Variants in DYRK1A observed in about 807,000 individuals in gnomAD.
DYRK1A encodes dual specificity tyrosine-phosphorylation-regulated kinase 1A.
Under a neutral mutation model 79.7 loss-of-function variants are expected in DYRK1A, and 9 were observed. The observed-to-expected ratio is 0.11, with a 90% confidence interval of 0.07 to 0.20. DYRK1A has a LOEUF of 0.20. Ranked by LOEUF, DYRK1A falls within the 10% of genes least tolerant of loss-of-function variation. DYRK1A has a pLI of 1.00. For synonymous variants in DYRK1A, 349 were observed against 329.7 expected (o/e 1.06, Z -0.63); for missense variants, 622 against 956.0 (o/e 0.65, Z 4.61).
Position 37,518,208 on chromosome 21 carries a change from G to A in DYRK1A, c.*5677G>A, listed in dbSNP as rs1945995235. On this transcript the variant is annotated 3_prime_UTR_variant, in exon 12 of 12. Coordinates refer to ENST00000647188, the MANE Select transcript of DYRK1A (RefSeq NM_001347721.2). ...TTAAAGCGGAAAAGCGGAATGCAGTGAAATAGCATGAGAAAGAGCGTTTTT... is the reference window on the plus strand; with the variant it reads ...TTAAAGCGGAAAAGCGGAATGCAGTAAAATAGCATGAGAAAGAGCGTTTTT... 1 of 152,212 alleles carries A rather than the reference G, an allele frequency of 6.6e-6. No homozygotes were observed. The highest frequency in any genetic ancestry group is 1.5e-5 in the Non-Finnish European group (1 of 68,050). 9.4% of individuals were successfully genotyped at this position (152,212 alleles called of 1,614,324 possible). A position where few individuals can be genotyped will look rare whatever the true frequency, so the allele number is the denominator to read the frequency against.
intron 1 of DYRK1A, among the ~76,000 whole-genome samples, chr21:37,417,534 T>TCTTTTTCTTTTTCTTTTTCTTTTTC (rs1555959240): frequency 1.2e-4 from 10 of 84,226 alleles, no homozygotes; most frequent in East Asian, 2.7e-4. Flanking sequence ...TTTTTCTTTT[T>TCTTTTTCTTTTTCTTTTTCTTTTTC]TTTTTTTTTT....
intron 9 of DYRK1A, among the ~76,000 whole-genome samples, chr21:37,500,939 TC>T (rs66933803): frequency 0.04 from 6,041 of 151,054 alleles, 155 homozygotes; most frequent in Middle Eastern, 0.08. Context: ...CTTTTTTTTT[TC>T]TTTTCTTTTT....
rs1202902976 is a variant in DYRK1A, at chr21:37,367,625, C to T, written c.-80C>T. On this transcript the variant is annotated 5_prime_UTR_variant, in exon 1 of 12. Coordinates refer to ENST00000647188, the MANE Select transcript of DYRK1A (RefSeq NM_001347721.2). Reference sequence around the variant, plus strand: ...AGCGGCGCGAGCGCCCCGCCATCGTCCCGGTGAGTGTCCGGCCCGGCCGCG... The same window carrying T: ...AGCGGCGCGAGCGCCCCGCCATCGTTCCGGTGAGTGTCCGGCCCGGCCGCG... 6.8e-6 allele frequency: 1 copy of T among 146,758 alleles called. No individual in the cohort carries two copies. Among genetic ancestry groups the T allele is most frequent in the Non-Finnish European group, 1.5e-5 (1 of 65,908 alleles). 9.1% of individuals were successfully genotyped at this position (146,758 alleles called of 1,614,324 possible).
chr21:37,488,846 A>C (rs1482168787), intron 6 of DYRK1A: 4 of 985,254 alleles, frequency 4.1e-6, no homozygotes, highest in Non-Finnish European at 4.8e-6. Context: ...AAAGCCATCC[A>C]CAGACCATGA....
chr21:37,406,373 C>G (rs1027154949), intron 1 of DYRK1A, among the ~76,000 whole-genome samples: 3 of 152,044 alleles, frequency 2.0e-5, no homozygotes, highest in Admixed American at 6.6e-5. Flanking sequence ...CCCCAGGCAC[C>G]AACACACCCT....
In DYRK1A at chr21:37,496,234, A is replaced by C; in HGVS notation, c.1188A>C (p.Leu396Phe). Residue 396 changes from leucine to phenylalanine, a missense_variant, in exon 9 of 12, where the codon TTA becomes TTC. Physicochemically the swap from Leu to Phe is conservative, Grantham distance 22. This residue lies in a region of DYRK1A where 80 missense variants were observed against 116.5 expected (regional missense o/e 0.69). Coordinates refer to ENST00000647188, the MANE Select transcript of DYRK1A (RefSeq NM_001347721.2). ...AGTTGCCAGATGGCACTTGGAACTT[A>C]AAGAAGACCAAAGATGGAAAACGGG... ...FEKLPDGTWN[L>F]KKTKDGKREY... 1.2e-6 allele frequency: 2 copies of C among 1,612,886 alleles called. No individual in the cohort carries two copies. The highest frequency in any genetic ancestry group is 1.7e-6 in the Non-Finnish European group (2 of 1,179,682).
At chr21:37,379,836 T>G (rs2049620545) in intron 1 of DYRK1A, among the ~76,000 whole-genome samples, 1 of 152,232 alleles carries the variant, frequency 6.6e-6, no homozygotes, top group Non-Finnish European at 1.5e-5. Context: ...AGCATTTATC[T>G]TGTGGAGTGA....
chr21:37,410,338 G>GTGA lies in DYRK1A; in HGVS notation c.-76-9960_-76-9958dup, dbSNP rs1229987508. On this transcript the variant is annotated intron_variant, in intron 1 of 11. Coordinates refer to ENST00000647188, the MANE Select transcript of DYRK1A (RefSeq NM_001347721.2). ...TCTTCAGAATGTAGCAAAAAACAGT[G>GTGA]TGAACTTAAGTTGGTATAGAGGAAT... 3.3e-5 allele frequency among the ~76,000 whole-genome samples: 5 copies of GTGA among 152,192 alleles called. No individual in the cohort carries two copies. In the East Asian group the frequency reaches 9.6e-4, roughly 29 times the overall value.
chr21:37,478,335 G>A (rs748715842), intron 4 of DYRK1A, 35 bp downstream of exon 4: 4 of 1,594,236 alleles, frequency 2.5e-6, no homozygotes, highest in African/African-American at 1.4e-5. Flanking sequence ...CATCTATCTT[G>A]CAGTATGTCA....
chr21:37,451,715 G>A (rs1300301445), intron 2 of DYRK1A, among the ~76,000 whole-genome samples: 1 of 151,876 alleles, frequency 6.6e-6, no homozygotes, highest in Non-Finnish European at 1.5e-5. Flanking sequence ...TGTATACTCA[G>A]TGATGTTCTC....
rs1555995028 is a variant in DYRK1A, at chr21:37,512,236, C to T, written c.1970C>T (p.Ser657Leu). 2 of 1,614,192 alleles carry T rather than the reference C, an allele frequency of 1.2e-6. No homozygotes were observed. The highest frequency in any genetic ancestry group is 1.7e-6 in the Non-Finnish European group (2 of 1,180,030). ...TSLSSSTTSS[S>L]TSSSSTGNQG... ...CTGTCTTCCTCAACGACTTCTTCCT[C>T]GACATCTTCCTCCTCTACTGGTAAC... Residue 657 changes from serine to leucine, a missense_variant, in exon 12 of 12, where the codon TCG (serine) becomes TTG (leucine). Physicochemically the swap from Ser to Leu is moderately radical, Grantham distance 145. Transcript: ENST00000647188.
chr21:37,498,897 G>T (rs977184567), intron 9 of DYRK1A, among the ~76,000 whole-genome samples: 1 of 152,008 alleles, frequency 6.6e-6, no homozygotes, highest in Admixed American at 6.6e-5. Flanking sequence ...TTTCTTCATG[G>T]CTAATACCAC....
At chr21:37,488,819 G>A (rs1354230375) in intron 6 of DYRK1A, 1 of 985,198 alleles carries the variant, frequency 1.0e-6, no homozygotes, top group East Asian at 1.1e-4. Context: ...AGTGGCACCT[G>A]CTTAACCAGG....
intron 2 of DYRK1A, among the ~76,000 whole-genome samples, chr21:37,431,954 C>T (rs969181779): frequency 2.0e-5 from 3 of 152,056 alleles, no homozygotes. Context: ...GTGACACTTA[C>T]TGTACTATTT....
chr21:37,480,403 CT>C (rs924747053), intron 4 of DYRK1A, among the ~76,000 whole-genome samples: 63 of 152,166 alleles, frequency 4.1e-4, no homozygotes, highest in Admixed American at 4.1e-3. Context: ...GGTCCTTTTA[CT>C]TTTCTTGAAT....
Position 37,489,229 on chromosome 21 carries a change from T to G in DYRK1A, c.638-946T>G, listed in dbSNP as rs761782376. 9.2e-5 allele frequency among the ~76,000 whole-genome samples: 14 copies of G among 152,168 alleles called. 1 individual carries two copies. The highest frequency in any genetic ancestry group is 5.9e-5 in the Non-Finnish European group (4 of 68,006). On this transcript the variant is annotated intron_variant, in intron 6 of 11. Transcript: ENST00000647188. Reference sequence around the variant, plus strand: ...CATTTTGTAATACTATAAGATAAAATGAAAATCACCTTGACAGATGGGTGT... The same window carrying G: ...CATTTTGTAATACTATAAGATAAAAGGAAAATCACCTTGACAGATGGGTGT...
chr21:37,512,924 GT>G lies in DYRK1A; in HGVS notation c.*405del, dbSNP rs59292132. 52,259 of 114,042 alleles carry G rather than the reference GT, an allele frequency of 0.46. 10,170 individuals carry two copies. Among genetic ancestry groups the G allele is most frequent in the East Asian group, 0.59 (2,306 of 3,908 alleles). 7.1% of individuals were successfully genotyped at this position (114,042 alleles called of 1,614,324 possible). A position where few individuals can be genotyped will look rare whatever the true frequency, so the allele number is the denominator to read the frequency against. ...TTTGCATAAAGGGCCCCATGAGGGTGTTTTTTTTTTTTCTTTTTGTCCCCCC... is the reference window on the plus strand; with the variant it reads ...TTTGCATAAAGGGCCCCATGAGGGTGTTTTTTTTTTTCTTTTTGTCCCCCC... On this transcript the variant is annotated 3_prime_UTR_variant, in exon 12 of 12. Coordinates refer to ENST00000647188, the MANE Select transcript of DYRK1A (RefSeq NM_001347721.2).
At chr21:37,467,667 G>A (rs1222635299) in intron 2 of DYRK1A, among the ~76,000 whole-genome samples, 2 of 152,146 alleles carry the variant, frequency 1.3e-5, no homozygotes, top group Non-Finnish European at 1.5e-5. Context: ...ATGAGGAAAA[G>A]GTCTTAGAAA....
At chr21:37,447,434 C>T (rs11908990) in intron 2 of DYRK1A, among the ~76,000 whole-genome samples, 7,868 of 152,084 alleles carry the variant, frequency 0.052, 729 homozygotes, top group African/African-American at 0.18. Flanking sequence ...CCACTCAAGC[C>T]TTTAAGACCT....
Sources: allele counts gnomAD v4.1 joint callset (sites outside exome capture counted in the v4.1 genomes callset), GRCh38; gene constraint gnomAD v4.1.1; regional missense constraint gnomAD v4.1.1; transcripts MANE v1.5; gene names NCBI Gene and HGNC (gene_info 2026-07-23, HGNC 2026-07-21).